The following ST6GALNAC5 variants were observed in gnomAD, a reference collection of about 807,000 sequenced individuals.
ST6GALNAC5 encodes alpha-N-acetylgalactosaminide alpha-2,6-sialyltransferase 5.
A neutral mutation model predicts 33.6 loss-of-function variants in ST6GALNAC5; 27 were observed. That is an observed-to-expected ratio of 0.80 (90% CI 0.59 to 1.11). The LOEUF is 1.11. Ranked by LOEUF, ST6GALNAC5 falls within the 50% of genes least tolerant of loss-of-function variation. ST6GALNAC5 has a pLI of 0.00. For missense variants in ST6GALNAC5, 428 were observed against 454.0 expected, an observed-to-expected ratio of 0.94 and a Z score of 0.52; for synonymous variants, 194 against 171.2, an observed-to-expected ratio of 1.13 and a Z score of -1.04.
At chr1:77,007,195 C>T (rs897281023) in intron 2 of ST6GALNAC5, among the ~76,000 whole-genome samples, 2 of 152,308 alleles carry the variant, frequency 1.3e-5, no homozygotes, top group Middle Eastern at 3.4e-3. Flanking sequence ...TCCACCACAA[C>T]TTAACTGCTT....
chr1:76,885,602 G>A (rs1202479809), intron 2 of ST6GALNAC5, among the ~76,000 whole-genome samples: 1 of 152,156 alleles, frequency 6.6e-6, no homozygotes, highest in African/African-American at 2.4e-5. Context: ...GACTTATCTT[G>A]TTTAATAGTT....
intron 2 of ST6GALNAC5, among the ~76,000 whole-genome samples, chr1:76,929,069 G>A (rs920486053): frequency 1.3e-5 from 2 of 152,118 alleles, no homozygotes; most frequent in Non-Finnish European, 2.9e-5. Context: ...TTGAATACTT[G>A]CTGTTTTGGC....
intron 4 of ST6GALNAC5, among the ~76,000 whole-genome samples, chr1:77,052,642 A>C (rs946088567): frequency 1.3e-5 from 2 of 151,948 alleles, no homozygotes; most frequent in South Asian, 4.1e-4. Flanking sequence ...AATTCTGAGC[A>C]GGGGGCTGGT....
At chr1:77,041,174 C>T (rs932625124) in intron 2 of ST6GALNAC5, among the ~76,000 whole-genome samples, 1 of 152,212 alleles carries the variant, frequency 6.6e-6, no homozygotes, top group Non-Finnish European at 1.5e-5. Flanking sequence ...AAAATTGTCT[C>T]TTCTGCTGGT....
At chr1:76,906,738 G>A (rs934335916) in intron 2 of ST6GALNAC5, among the ~76,000 whole-genome samples, 1 of 152,128 alleles carries the variant, frequency 6.6e-6, no homozygotes, top group Non-Finnish European at 1.5e-5. Context: ...ATTAATGCAA[G>A]ATATTTGTCT....
intron 2 of ST6GALNAC5, among the ~76,000 whole-genome samples, chr1:76,959,160 T>A (rs564099341): frequency 6.6e-6 from 1 of 152,084 alleles, no homozygotes; most frequent in Non-Finnish European, 1.5e-5. Context: ...TAGACAGGGG[T>A]TATGGGTGGT....
chr1:76,998,377 C>G (rs1405286856), intron 2 of ST6GALNAC5, among the ~76,000 whole-genome samples: 2 of 151,782 alleles, frequency 1.3e-5, no homozygotes, highest in African/African-American at 4.8e-5. Context: ...GCCTGGGTGA[C>G]AGGGTGAGAC....
At chr1:77,005,877 A>G (rs995572699) in intron 2 of ST6GALNAC5, among the ~76,000 whole-genome samples, 2 of 152,170 alleles carry the variant, frequency 1.3e-5, no homozygotes, top group African/African-American at 4.8e-5. Flanking sequence ...TTGAATCAGA[A>G]TTTCATTCCC....
chr1:76,895,889 G>A (rs974055320), intron 2 of ST6GALNAC5, among the ~76,000 whole-genome samples: 8 of 152,194 alleles, frequency 5.3e-5, no homozygotes, highest in Admixed American at 3.9e-4. Flanking sequence ...TGGGCTGTAC[G>A]CTGTAGCATT....
chr1:76,997,137 C>CT (rs1011264186), intron 2 of ST6GALNAC5, among the ~76,000 whole-genome samples: 3 of 152,066 alleles, frequency 2.0e-5, no homozygotes, highest in African/African-American at 7.2e-5. Flanking sequence ...TCTTTGTGTG[C>CT]TTTTTTCATA....
chr1:77,013,723 G>T (rs185786560), intron 2 of ST6GALNAC5, among the ~76,000 whole-genome samples: 1 of 152,194 alleles, frequency 6.6e-6, no homozygotes, highest in African/African-American at 2.4e-5. Context: ...TGACACGGGG[G>T]CTCACCACCT....
chr1:76,971,892 A>C (rs892743764), intron 2 of ST6GALNAC5, among the ~76,000 whole-genome samples: 1 of 152,242 alleles, frequency 6.6e-6, no homozygotes, highest in South Asian at 2.1e-4. Flanking sequence ...AGTGTAAAAC[A>C]TCATACAATG....
At chr1:77,004,094 C>G (rs1399840088) in intron 2 of ST6GALNAC5, among the ~76,000 whole-genome samples, 6 of 150,020 alleles carry the variant, frequency 4.0e-5, no homozygotes, top group Non-Finnish European at 5.9e-5. Flanking sequence ...TGTTTTCCAA[C>G]TTGGTTCCAT....
intron 3 of ST6GALNAC5, among the ~76,000 whole-genome samples, chr1:77,049,323 T>C (rs1652134810): frequency 2.0e-5 from 3 of 152,114 alleles, no homozygotes; most frequent in Admixed American, 2.0e-4. Flanking sequence ...CAGTCTGACC[T>C]TGGGGATAAG....
At chr1:76,881,621 T>C (rs1200620215) in intron 2 of ST6GALNAC5, among the ~76,000 whole-genome samples, 1 of 152,194 alleles carries the variant, frequency 6.6e-6, no homozygotes, top group Non-Finnish European at 1.5e-5. Context: ...ATGCCTGGCA[T>C]ATAATGAGTC....
intron 2 of ST6GALNAC5, among the ~76,000 whole-genome samples, chr1:76,955,294 A>C (rs1291598932): frequency 6.6e-6 from 1 of 152,100 alleles, no homozygotes; most frequent in Admixed American, 6.6e-5. Flanking sequence ...TGCATACTGT[A>C]ATGCTCATTT....
At chr1:76,912,486 C>T (rs1273767850) in intron 2 of ST6GALNAC5, among the ~76,000 whole-genome samples, 1 of 151,904 alleles carries the variant, frequency 6.6e-6, no homozygotes, top group Non-Finnish European at 1.5e-5. Context: ...TCCTTGTTAA[C>T]TTTCTGTCTC....
chr1:77,009,169 G>C (rs1241154548), intron 2 of ST6GALNAC5, among the ~76,000 whole-genome samples: 1 of 152,192 alleles, frequency 6.6e-6, no homozygotes, highest in Non-Finnish European at 1.5e-5. Context: ...AGGTGTTAGA[G>C]AGCCCCAGAA....
chr1:77,009,298 G>C (rs1650542662), intron 2 of ST6GALNAC5, among the ~76,000 whole-genome samples: 2 of 152,172 alleles, frequency 1.3e-5, no homozygotes, highest in Non-Finnish European at 2.9e-5. Flanking sequence ...GTTTGGTTGA[G>C]AGTAGATTTT....
Sources: allele counts gnomAD v4.1 joint callset (sites outside exome capture counted in the v4.1 genomes callset), GRCh38; gene constraint gnomAD v4.1.1; transcripts MANE v1.5; gene names NCBI Gene and HGNC (gene_info 2026-07-23, HGNC 2026-07-21).